Variants in ITK observed in about 807,000 individuals in gnomAD.
The protein encoded by ITK is tyrosine-protein kinase ITK/TSK.
A neutral mutation model predicts 87.6 loss-of-function variants in ITK; 45 were observed. That is an observed-to-expected ratio of 0.51 (90% CI 0.40 to 0.66). The LOEUF (loss-of-function observed/expected upper bound fraction) is 0.66, where lower values mean the gene tolerates loss of function less well. ITK is among the 30% of genes least tolerant of loss of function. The pLI is 0.00. For missense variants in ITK, 605 were observed against 766.3 expected, an observed-to-expected ratio of 0.79 and a Z score of 2.48; for synonymous variants, 303 against 273.6, an observed-to-expected ratio of 1.11 and a Z score of -1.06.
chr5:157,211,032 C>CT (rs1561653297), intron 2 of ITK, among the ~76,000 whole-genome samples: 1 of 152,088 alleles, frequency 6.6e-6, no homozygotes, highest in African/African-American at 2.4e-5. Flanking sequence ...AAGAGGAGAA[C>CT]TTTCTCCTGC....
At chr5:157,252,168 G>C (rs1448317515) in intron 16 of ITK, among the ~76,000 whole-genome samples, 1 of 152,040 alleles carries the variant, frequency 6.6e-6, no homozygotes, top group African/African-American at 2.4e-5. Context: ...TCTTTTATTA[G>C]AATTTTTAAT....
intron 3 of ITK, chr5:157,213,747 C>G: frequency 2.9e-6 from 1 of 346,820 alleles, no homozygotes; most frequent in Non-Finnish European, 5.6e-6. Flanking sequence ...CAACCAAAAT[C>G]TTACTTCAAA....
chr5:157,192,052 A>G (rs1211937370), intron 1 of ITK, among the ~76,000 whole-genome samples: 1 of 152,260 alleles, frequency 6.6e-6, no homozygotes, highest in Non-Finnish European at 1.5e-5. Context: ...GTTTCTAAAA[A>G]GGAACTAATA....
rs191523925 is a variant in ITK, at chr5:157,236,191, T to C, written c.769-1918T>C. ...GAGTTCAAGACCAGCCTGGACATCA[T>C]AGTGAAACCTCATCTCTACTAAAAA... On this transcript the variant is annotated intron_variant, in intron 8 of 16. Coordinates refer to ENST00000422843, the MANE Select transcript of ITK (RefSeq NM_005546.4). Among the ~76,000 whole-genome samples the C allele has an allele frequency of 3.3e-5, 5 of 152,204 alleles. No individual in the cohort carries two copies. In the South Asian group the frequency reaches 8.3e-4, roughly 25 times the overall value.
intron 6 of ITK, among the ~76,000 whole-genome samples, chr5:157,227,666 A>G (rs1237764776): frequency 6.6e-6 from 1 of 152,132 alleles, no homozygotes; most frequent in Non-Finnish European, 1.5e-5. Flanking sequence ...CTGAATATTA[A>G]TCTTTTTTTC....
chr5:157,214,007 A>T (rs1433048400), intron 3 of ITK, among the ~76,000 whole-genome samples, 184 bp from the exon 4 acceptor site: 1 of 152,220 alleles, frequency 6.6e-6, no homozygotes, highest in African/African-American at 2.4e-5. Flanking sequence ...TAAATGTAAC[A>T]TGAACTACCC....
intron 7 of ITK, among the ~76,000 whole-genome samples, chr5:157,228,588 C>T (rs1754584418): frequency 6.6e-6 from 1 of 152,102 alleles, no homozygotes; most frequent in South Asian, 2.1e-4. Context: ...GAACTTGGAA[C>T]ATCTTTTTGT....
chr5:157,212,743 C>A (rs1754215270), intron 3 of ITK, among the ~76,000 whole-genome samples: 1 of 151,838 alleles, frequency 6.6e-6, no homozygotes, highest in South Asian at 2.1e-4. Context: ...TCCCAGCTAC[C>A]CGGGAGGCTG....
At chr5:157,200,884 T>C (rs556450678) in intron 1 of ITK, among the ~76,000 whole-genome samples, 1 of 152,312 alleles carries the variant, frequency 6.6e-6, no homozygotes, top group South Asian at 2.1e-4. Context: ...CATAGGGGTC[T>C]ACTGAGCACC....
intron 15 of ITK, among the ~76,000 whole-genome samples, chr5:157,247,097 G>A (rs951844102): frequency 2.0e-5 from 3 of 152,206 alleles, no homozygotes; most frequent in Admixed American, 6.5e-5. Flanking sequence ...TCGGTATGAA[G>A]GAAGGGTTTG....
At chr5:157,217,145 G>A (rs577120599) in intron 4 of ITK, among the ~76,000 whole-genome samples, 21 of 152,090 alleles carry the variant, frequency 1.4e-4, no homozygotes, top group Non-Finnish European at 2.8e-4. Context: ...AGCTACAAAG[G>A]AGAAATAGTG....
intron 1 of ITK, among the ~76,000 whole-genome samples, chr5:157,185,303 ACCTTGGTTCACTGCAACCTCTGCCTC>A (rs1233536234): frequency 6.7e-6 from 1 of 149,320 alleles, no homozygotes; most frequent in Non-Finnish European, 1.5e-5. Context: ...CAGTGGTGCC[ACCTTGGTTCACTGCAACCTCTGCCTC>A]CCAGGTTCAA....
intron 8 of ITK, among the ~76,000 whole-genome samples, chr5:157,236,905 A>G (rs1049647742): frequency 2.6e-5 from 4 of 152,136 alleles, no homozygotes; most frequent in Non-Finnish European, 4.4e-5. Flanking sequence ...CCAAATTCTC[A>G]TTCTGGAAAG....
intron 1 of ITK, among the ~76,000 whole-genome samples, chr5:157,184,607 C>T (rs1323697276): frequency 5.3e-5 from 8 of 152,168 alleles, no homozygotes; most frequent in South Asian, 2.1e-4. Context: ...GTGTGGCTCA[C>T]GTGGCCACTT....
intron 4 of ITK, 69 bp from the exon 5 acceptor site, chr5:157,217,798 C>T (rs1754329436): frequency 7.2e-7 from 1 of 1,396,724 alleles, no homozygotes; most frequent in Non-Finnish European, 1.0e-6. Flanking sequence ...AACCCCCTGG[C>T]TGCTCACTTC....
chr5:157,217,055 GCAGTGCCTCCCGTA>G (rs1754312519), intron 4 of ITK, among the ~76,000 whole-genome samples: 1 of 152,106 alleles, frequency 6.6e-6, no homozygotes, highest in African/African-American at 2.4e-5. Flanking sequence ...TGAAGTCTGT[GCAGTGCCTCCCGTA>G]CCACAGAGAG....
chr5:157,244,763 A>G, intron 13 of ITK: 1 of 411,946 alleles, frequency 2.4e-6, no homozygotes, highest in Non-Finnish European at 4.6e-6. Context: ...CTGTGACTCA[A>G]TTTCCTCCTG....
At chr5:157,231,320 A>G (rs1240979692) in intron 7 of ITK, among the ~76,000 whole-genome samples, 1 of 152,214 alleles carries the variant, frequency 6.6e-6, no homozygotes, top group Non-Finnish European at 1.5e-5. Flanking sequence ...TTGATAGTGA[A>G]GCTATTTACC....
rs869230073 is a variant in ITK at position 157,233,963 on chromosome 5, A to ATTTTT, written c.768+1600_768+1604dup. ...TATATATATATATATATATATATAT[A>ATTTTT]TTTTTTTTTTTTTTTTTTTTTTTTT... On this transcript the variant is annotated intron_variant, in intron 8 of 16. Coordinates refer to ENST00000422843, the MANE Select transcript of ITK (RefSeq NM_005546.4). Among the ~76,000 whole-genome samples, 3 of 22,294 alleles carry ATTTTT rather than the reference A, an allele frequency of 1.3e-4. 1 individual carries two copies. Among genetic ancestry groups the ATTTTT allele is most frequent in the Non-Finnish European group, 2.4e-4 (3 of 12,544 alleles). 14.6% of individuals were successfully genotyped at this position (22,294 alleles called of 152,430 possible). A position where few individuals can be genotyped will look rare whatever the true frequency, so the allele number is the denominator to read the frequency against.
Sources: allele counts gnomAD v4.1 joint callset (sites outside exome capture counted in the v4.1 genomes callset), GRCh38; gene constraint gnomAD v4.1.1; transcripts MANE v1.5; gene names NCBI Gene and HGNC (gene_info 2026-07-23, HGNC 2026-07-21).